PKHD1: variants seen among roughly 807,000 people sequenced by gnomAD.
The protein encoded by PKHD1 is PKHD1 ciliary IPT domain containing fibrocystin/polyductin, also known as fibrocystin.
PKHD1 carries 291 observed loss-of-function variants against 412.0 expected under a neutral mutation model. That is an observed-to-expected ratio of 0.71 (90% confidence interval 0.64 to 0.78). The LOEUF is 0.78. PKHD1 is among the 30% of genes least tolerant of loss of function. The pLI, the probability that PKHD1 is intolerant of heterozygous loss-of-function variation, is 0.00. For missense variants in PKHD1, 4,825 were observed against 4,950.7 expected (o/e 0.97, Z 0.76); for synonymous variants, 1,777 against 1,821.5 (o/e 0.98, Z 0.62).
At chr6:51,934,467 C>T in intron 36 of PKHD1, 145 bp from the exon 37 acceptor site, 1 of 690,782 alleles carries the variant, frequency 1.4e-6, no homozygotes, top group South Asian at 1.6e-5. Context: ...TGTAGAAGCA[C>T]AGTAGGGTAG....
chr6:51,904,915 C>T (rs192189959), intron 41 of PKHD1, among the ~76,000 whole-genome samples: 9 of 152,200 alleles, frequency 5.9e-5, no homozygotes, highest in Non-Finnish European at 1.0e-4. Flanking sequence ...TAGTTGACTT[C>T]CCTGTGGCTG....
In PKHD1 at chr6:51,811,869, G is replaced by T. The variant is rs531539992; in HGVS notation, c.8302+18992C>A. On this transcript the variant is annotated intron_variant, in intron 52 of 66. Coordinates refer to ENST00000371117, the MANE Select transcript of PKHD1 (RefSeq NM_138694.4). The stretch of plus-strand genomic sequence containing the variant: ...GGAGGGCAAAAAGAAAGGGCTAAAT[G>T]GTTCTTGATATTTTGCTTTGTATAT... 8.5e-5 allele frequency among the ~76,000 whole-genome samples: 13 copies of T among 152,184 alleles called. No homozygotes were observed. In the South Asian group the frequency reaches 2.5e-3, roughly 29 times the overall value.
At chr6:52,060,191 G>T in intron 14 of PKHD1, 149 bp from the exon 15 acceptor site, 1 of 670,218 alleles carries the variant, frequency 1.5e-6, no homozygotes, top group Non-Finnish European at 2.7e-6. Flanking sequence ...GAATATTCTA[G>T]AAAGAGATAT....
intron 35 of PKHD1, among the ~76,000 whole-genome samples, chr6:51,998,057 G>A (rs971247708): frequency 5.3e-5 from 8 of 152,202 alleles, no homozygotes; most frequent in East Asian, 1.9e-4. Context: ...TAGATTGCAC[G>A]TGGCGATAAA....
At chr6:51,666,283 A>T (rs1773757110) in intron 60 of PKHD1, among the ~76,000 whole-genome samples, 3 of 152,220 alleles carry the variant, frequency 2.0e-5, no homozygotes, top group Admixed American at 6.5e-5. Context: ...TACCACAAAC[A>T]TGATAAAATC....
chr6:51,702,208 TATATA>T (rs1477709618), intron 60 of PKHD1, among the ~76,000 whole-genome samples: 10 of 147,076 alleles, frequency 6.8e-5, no homozygotes, highest in Admixed American at 6.2e-4. Context: ...ATACGTATAA[TATATA>T]ATATATTATA....
chr6:51,672,760 C>T (rs1188973864), intron 60 of PKHD1, among the ~76,000 whole-genome samples: 2 of 152,192 alleles, frequency 1.3e-5, no homozygotes, highest in Non-Finnish European at 2.9e-5. Context: ...GAAGGGAAGG[C>T]ACTCATGCAT....
chr6:51,852,761 G>T (rs9370072), intron 49 of PKHD1, among the ~76,000 whole-genome samples: 2 of 149,900 alleles, frequency 1.3e-5, no homozygotes, highest in South Asian at 2.1e-4. Context: ...CATTTGCTTG[G>T]TAAGTTTTCC....
rs780650959 is a variant in PKHD1 at position 52,025,291 on chromosome 6, G to C, written c.4519C>G (p.Gln1507Glu). 6.2e-6 allele frequency: 10 copies of C among 1,613,860 alleles called. No individual in the cohort carries two copies. Among genetic ancestry groups the C allele is most frequent in the Non-Finnish European group, 8.5e-6 (10 of 1,180,028 alleles). The change falls in exon 32 of 67, where the codon CAG becomes GAG. Residue 1507 changes from glutamine (Q) to glutamate (E), a missense_variant. Gln to Glu is a conservative substitution (Grantham distance 29). Transcript: ENST00000371117. The stretch of plus-strand genomic sequence containing the variant: ...TCATCAGCTGTGGTGGCTAACCTCT[G>C]ACCCCTAATCAGCACAGTGGTCAGA... ...GSLTTVLIRG[Q>E]RLATTADEPM... is the part of the protein sequence containing the mutation.
In PKHD1 at chr6:51,747,953, C is replaced by T. The variant is rs371508721; in HGVS notation, c.9663G>A (p.Pro3221=). The part of the protein sequence containing the change: ...SFDCIQDKVK[P]HSANLTSTDR... ...CTGTTGATGTCAAGTTGGCTGAGTG[C>T]GGCTTCACTTTGTCCTGAATGCAGT... Residue 3221 remains proline (P), a synonymous_variant, in exon 58 of 67, where the codon CCG becomes CCA. Transcript: ENST00000371117. 149 of 1,613,872 alleles carry T rather than the reference C, an allele frequency of 9.2e-5. No individual in the cohort carries two copies. The highest frequency in any genetic ancestry group is 4.0e-4 in the South Asian group (36 of 91,082).
intron 52 of PKHD1, among the ~76,000 whole-genome samples, chr6:51,808,410 A>G (rs1764173968): frequency 6.6e-6 from 1 of 152,172 alleles, no homozygotes; most frequent in Non-Finnish European, 1.5e-5. Context: ...ATTTTGAACA[A>G]AGTAAATACA....
chr6:51,720,452 C>A (rs939170267), intron 60 of PKHD1, among the ~76,000 whole-genome samples: 5 of 152,284 alleles, frequency 3.3e-5, no homozygotes, highest in Admixed American at 6.5e-5. Context: ...AGTGCCCAGG[C>A]TCTTTCTTAC....
chr6:51,668,530 C>T (rs1414886535), intron 60 of PKHD1, among the ~76,000 whole-genome samples: 1 of 151,970 alleles, frequency 6.6e-6, no homozygotes, highest in Admixed American at 6.6e-5. Flanking sequence ...AATTGAATAC[C>T]CTTTATTTCC....
intron 60 of PKHD1, among the ~76,000 whole-genome samples, chr6:51,715,561 G>A (rs1045599684): frequency 1.3e-5 from 2 of 152,126 alleles, no homozygotes; most frequent in African/African-American, 4.8e-5. Flanking sequence ...ACACACTAGA[G>A]CCTTTCCATG....
chr6:51,762,551 T>C (rs1310973356), intron 55 of PKHD1, among the ~76,000 whole-genome samples: 1 of 152,018 alleles, frequency 6.6e-6, no homozygotes, highest in African/African-American at 2.4e-5. Flanking sequence ...TTCTTCAAAA[T>C]ATCTTGCTAA....
intron 61 of PKHD1, among the ~76,000 whole-genome samples, chr6:51,658,090 C>T (rs1772187377): frequency 2.6e-5 from 4 of 151,994 alleles, no homozygotes; most frequent in Admixed American, 6.6e-5. Flanking sequence ...AATTCTCATA[C>T]CACCATACAC....
intron 27 of PKHD1, among the ~76,000 whole-genome samples, chr6:52,036,810 A>G (rs1253136461): frequency 6.6e-6 from 1 of 152,236 alleles, no homozygotes; most frequent in Non-Finnish European, 1.5e-5. Context: ...ATTAAAACTT[A>G]CATAAGAAAA....
intron 61 of PKHD1, among the ~76,000 whole-genome samples, chr6:51,657,514 T>C (rs1196468248): frequency 6.6e-6 from 1 of 152,062 alleles, no homozygotes; most frequent in Non-Finnish European, 1.5e-5. Flanking sequence ...GAGAGAGAGA[T>C]AGGCGGATAG....
chr6:51,921,538 C>T (rs900839917), intron 37 of PKHD1, among the ~76,000 whole-genome samples: 1 of 152,166 alleles, frequency 6.6e-6, no homozygotes, highest in Non-Finnish European at 1.5e-5. Flanking sequence ...ACTTGGTTCC[C>T]TTCTCCCCGT....
Sources: allele counts gnomAD v4.1 joint callset (sites outside exome capture counted in the v4.1 genomes callset), GRCh38; gene constraint gnomAD v4.1.1; transcripts MANE v1.5; gene names NCBI Gene and HGNC (gene_info 2026-07-23, HGNC 2026-07-21).